The following TRIP12 variants were observed in gnomAD, a reference collection of about 807,000 sequenced individuals.
The protein encoded by TRIP12 is E3 ubiquitin-protein ligase TRIP12.
Under a neutral mutation model 244.2 loss-of-function variants are expected in TRIP12, and 25 were observed. That is an observed-to-expected ratio of 0.10 (90% CI 0.07 to 0.14). TRIP12 has a LOEUF of 0.14. TRIP12 is among the 10% of genes least tolerant of loss of function. The pLI is 1.00. For missense variants in TRIP12, 1,677 were observed against 2,486.4 expected, an observed-to-expected ratio of 0.67 and a Z score of 6.92; for synonymous variants, 905 against 873.1, an observed-to-expected ratio of 1.04 and a Z score of -0.64.
chr2:229,858,093 G>A (rs909714965), intron 4 of TRIP12, among the ~76,000 whole-genome samples: 6 of 152,150 alleles, frequency 3.9e-5, no homozygotes, highest in African/African-American at 1.4e-4. Context: ...GCCAGGCATG[G>A]TAGCTCACAC....
chr2:229,768,510 G>A, intron 41 of TRIP12, 106 bp downstream of exon 41: 1 of 938,216 alleles, frequency 1.1e-6, no homozygotes, highest in Non-Finnish European at 1.7e-6. Context: ...ATAACTAAGA[G>A]GCACTGCAAG....
At chr2:229,877,048 A>T (rs540685293) in intron 2 of TRIP12, among the ~76,000 whole-genome samples, 1 of 151,332 alleles carries the variant, frequency 6.6e-6, no homozygotes, top group Non-Finnish European at 1.5e-5. Flanking sequence ...AGTAATTGTG[A>T]TTTTTGCTAT....
At chr2:229,921,110 T>C (rs1486857133) in intron 1 of TRIP12, among the ~76,000 whole-genome samples, 1 of 151,008 alleles carries the variant, frequency 6.6e-6, no homozygotes, top group African/African-American at 2.4e-5. Flanking sequence ...CTCAGTCAAG[T>C]TTCTCGGCTT....
intron 39 of TRIP12, among the ~76,000 whole-genome samples, chr2:229,770,797 C>T (rs1210580722): frequency 9.9e-5 from 15 of 152,140 alleles, no homozygotes; most frequent in Admixed American, 5.2e-4. Flanking sequence ...ATATGTCTCA[C>T]GAGATCTGAT....
At chr2:229,773,350 G>A (rs938808938) in intron 38 of TRIP12, among the ~76,000 whole-genome samples, 2 of 151,830 alleles carry the variant, frequency 1.3e-5, no homozygotes, top group Non-Finnish European at 2.9e-5. Flanking sequence ...CTGGGATTAC[G>A]GGCATGAGCC....
intron 1 of TRIP12, among the ~76,000 whole-genome samples, chr2:229,903,015 TTTC>T (rs1242624076): frequency 2.0e-5 from 2 of 97,976 alleles, no homozygotes; most frequent in Admixed American, 1.1e-4. Context: ...TTTTTCTTTT[TTTC>T]TTTTTTTTTT....
In TRIP12 at chr2:229,778,353, C is replaced by T. The variant is rs991668169; in HGVS notation, c.5364+80G>A. On this transcript the variant is annotated intron_variant, in intron 36 of 41. Transcript: ENST00000675903. The surrounding 1 kb of genome is among the most constrained non-coding windows in gnomAD (Gnocchi z 4.1). The stretch of plus-strand genomic sequence containing the variant: ...TGAGAAGCATTGCTCTAAACTATAG[C>T]AGTAAACTACAGGGGACTGAGGTAC... 3.3e-6 allele frequency: 5 copies of T among 1,521,194 alleles called. No individual in the cohort carries two copies. The South Asian group carries it at 4.8e-5, about 15-fold the overall frequency. The allele number at this position is 1,521,194 out of a possible 1,614,324, so 94.2% of individuals were successfully genotyped here. A position where few individuals can be genotyped will look rare whatever the true frequency, so the allele number is the denominator to read the frequency against.
intron 34 of TRIP12, among the ~76,000 whole-genome samples, chr2:229,781,959 T>A (rs931404768): frequency 3.9e-5 from 6 of 152,134 alleles, no homozygotes; most frequent in Non-Finnish European, 7.3e-5. Flanking sequence ...CCAATCCTGC[T>A]CCTTAGAACA....
At chr2:229,798,612 G>A (rs2043406901) in intron 23 of TRIP12, among the ~76,000 whole-genome samples, 1 of 152,192 alleles carries the variant, frequency 6.6e-6, no homozygotes, top group African/African-American at 2.4e-5. Context: ...GTTCCCCAAG[G>A]AATACAATGT....
At chr2:229,786,365 T>A (rs771517259) in intron 33 of TRIP12, among the ~76,000 whole-genome samples, 1 of 151,308 alleles carries the variant, frequency 6.6e-6, no homozygotes, top group Non-Finnish European at 1.5e-5. Context: ...TCAGTGCTTA[T>A]GGAATCCTAA....
At chr2:229,842,798 G>A (rs1354586628) in intron 4 of TRIP12, among the ~76,000 whole-genome samples, 3 of 152,172 alleles carry the variant, frequency 2.0e-5, no homozygotes, top group African/African-American at 7.2e-5. Flanking sequence ...GATTTGAAGT[G>A]ATGACATATT....
intron 25 of TRIP12, 138 bp downstream of exon 25, chr2:229,796,453 T>G (rs2042842939): frequency 1.6e-6 from 1 of 616,594 alleles, no homozygotes; most frequent in African/African-American, 1.9e-5. Flanking sequence ...AGTTGAAGGA[T>G]TCCAACTATG....
intron 2 of TRIP12, among the ~76,000 whole-genome samples, chr2:229,874,410 C>T (rs1442145929): frequency 3.3e-5 from 5 of 152,058 alleles, no homozygotes; most frequent in African/African-American, 1.2e-4. Flanking sequence ...TTCTGTAAAC[C>T]CATTTTCAAG....
chr2:229,820,731 G>A (rs1174211152), intron 8 of TRIP12, among the ~76,000 whole-genome samples: 2 of 152,128 alleles, frequency 1.3e-5, no homozygotes, highest in African/African-American at 4.8e-5. Flanking sequence ...TGGGATTACA[G>A]GCACAAGCCA....
intron 1 of TRIP12, among the ~76,000 whole-genome samples, chr2:229,889,916 G>A (rs2066920482): frequency 6.6e-6 from 1 of 152,128 alleles, no homozygotes; most frequent in African/African-American, 2.4e-5. Context: ...GTAGATTACA[G>A]CAAAGTGCTC....
chr2:229,897,739 C>T (rs1012647004), intron 1 of TRIP12, among the ~76,000 whole-genome samples: 2 of 152,206 alleles, frequency 1.3e-5, no homozygotes, highest in African/African-American at 4.8e-5. Context: ...CTCTGAAGAG[C>T]CCCATGGCAC....
chr2:229,880,710 G>A (rs1409007674), intron 1 of TRIP12, among the ~76,000 whole-genome samples: 1 of 152,222 alleles, frequency 6.6e-6, no homozygotes, highest in Non-Finnish European at 1.5e-5. Context: ...TTGGGAGGCT[G>A]AGGTGGGTGG....
At chr2:229,923,072 T>C (rs1021429058), upstream of TRIP12, 1 of 156,782 alleles carries the variant, frequency 6.4e-6, no homozygotes, top group African/African-American at 2.4e-5. Context: ...TAAATCTCTT[T>C]GTGGCCTTTA....
At chr2:229,910,235 A>G (rs2074001727) in intron 1 of TRIP12, among the ~76,000 whole-genome samples, 1 of 152,220 alleles carries the variant, frequency 6.6e-6, no homozygotes, top group African/African-American at 2.4e-5. Flanking sequence ...TATTGCATTA[A>G]AAATTTAAAT....
Sources: gnomAD v4.1 joint callset for allele counts (sites outside exome capture counted in the v4.1 genomes callset) on GRCh38, gnomAD v4.1.1 for gene constraint, Gnocchi (gnomAD v3.1) non-coding constraint, MANE v1.5 for transcripts, NCBI Gene and HGNC (gene_info 2026-07-23, HGNC 2026-07-21) for gene names.